Variants in HDGFL3 observed in about 807,000 individuals in gnomAD.
The protein encoded by HDGFL3 is hepatoma-derived growth factor-related protein 3.
A neutral mutation model predicts 27.6 loss-of-function variants in HDGFL3; 6 were observed. The observed-to-expected ratio is 0.22, with a 90% CI of 0.12 to 0.43. HDGFL3 has a LOEUF of 0.43. Ranked by LOEUF, HDGFL3 falls within the 20% of genes least tolerant of loss-of-function variation. The pLI is 1.00. For synonymous variants in HDGFL3, 88 were observed against 88.9 expected (o/e 0.99, Z 0.05); for missense variants, 207 against 250.1 (o/e 0.83, Z 1.16).
chr15:83,127,236 G>T, downstream of HDGFL3: 1 of 883,304 alleles, frequency 1.1e-6, no homozygotes. Flanking sequence ...AAAAAAAAGA[G>T]TCCCATATAG....
rs1165519000 is a variant in HDGFL3, at chr15:83,207,475, C to G, written c.-61G>C. ...CGCGAAGATGCCGGGAGGCCGCCCC[C>G]CCGCGGGCCGACGAATTGCGCCGCG... On this transcript the variant is annotated 5_prime_UTR_variant, in exon 1 of 6. Transcript: ENST00000299633. The surrounding 1 kb of genome is among the most constrained non-coding windows in gnomAD (Gnocchi z 4.8). 7.8e-5 allele frequency: 95 copies of G among 1,211,218 alleles called. No homozygotes were observed. In the Middle Eastern group the frequency reaches 8.3e-4, roughly 11 times the overall value. 75.0% of individuals were successfully genotyped at this position (1,211,218 alleles called of 1,614,324 possible). A position where few individuals can be genotyped will look rare whatever the true frequency, so the allele number is the denominator to read the frequency against.
At chr15:83,126,671 T>A, downstream of HDGFL3, 1 of 1,091,232 alleles carries the variant, frequency 9.2e-7, no homozygotes, top group African/African-American at 1.6e-5. Context: ...AGCTTGTGAC[T>A]AAACCTGGCA....
In HDGFL3 at chr15:83,207,527, A is replaced by G. The variant is rs950907711; in HGVS notation, c.-113T>C. 41 of 810,268 alleles carry G rather than the reference A, an allele frequency of 5.1e-5. No homozygotes were observed. Among genetic ancestry groups the G allele is most frequent in the Non-Finnish European group, 6.6e-5 (40 of 605,406 alleles). 50.2% of individuals were successfully genotyped at this position (810,268 alleles called of 1,614,324 possible). A position where few individuals can be genotyped will look rare whatever the true frequency, so the allele number is the denominator to read the frequency against. On this transcript the variant is annotated 5_prime_UTR_variant, in exon 1 of 6. Transcript: ENST00000299633. The surrounding 1 kb of genome is among the most constrained non-coding windows in gnomAD (Gnocchi z 4.8). ...TCCCCGCGGGCCTCAAGCCGGGCGG[A>G]CGAGCGGCCGCTCCGACGAGGGGAA...
intron 5 of HDGFL3, among the ~76,000 whole-genome samples, chr15:83,148,274 A>G (rs1453007995): frequency 6.6e-6 from 1 of 152,160 alleles, no homozygotes; most frequent in Non-Finnish European, 1.5e-5. Flanking sequence ...ACTCTTGTAC[A>G]CGTATACTAG....
At chr15:83,200,830 C>T (rs1282238642) in intron 1 of HDGFL3, among the ~76,000 whole-genome samples, 1 of 150,416 alleles carries the variant, frequency 6.6e-6, no homozygotes, top group African/African-American at 2.4e-5. Context: ...AAGGCTTGTG[C>T]TCACCAATCA....
intron 1 of HDGFL3, among the ~76,000 whole-genome samples, chr15:83,167,820 T>C (rs1040597385): frequency 6.6e-6 from 1 of 152,082 alleles, no homozygotes; most frequent in East Asian, 1.9e-4. Context: ...AACTCAACAC[T>C]TGGACCTAAT....
At chr15:83,147,813 G>GTT (rs2036916835) in intron 5 of HDGFL3, among the ~76,000 whole-genome samples, 1 of 152,164 alleles carries the variant, frequency 6.6e-6, no homozygotes, top group South Asian at 2.1e-4. Flanking sequence ...AAGTCTGATT[G>GTT]CTAAAAATAT....
downstream of HDGFL3, among the ~76,000 whole-genome samples, chr15:83,125,776 G>T (rs755026265): frequency 6.6e-6 from 1 of 152,214 alleles, no homozygotes; most frequent in Non-Finnish European, 1.5e-5. Flanking sequence ...TCATTTCAGG[G>T]TCTTGGGCTA....
At chr15:83,127,191 C>G (rs1416969899), downstream of HDGFL3, among the ~76,000 whole-genome samples, 2 of 147,768 alleles carry the variant, frequency 1.4e-5, no homozygotes, top group East Asian at 3.9e-4. Context: ...GAGACTCCAC[C>G]TAAAAAAATA....
At chr15:83,119,954 C>A in intron 3 of HDGFL3, 1 of 358,488 alleles carries the variant, frequency 2.8e-6, no homozygotes, top group Non-Finnish European at 5.1e-6. Flanking sequence ...TTATTTTCAG[C>A]AATTAAAGCT....
Position 83,136,675 on chromosome 15 carries a change from A to C in HDGFL3, c.*2595T>G. 6.3e-7 allele frequency: 1 copy of C among 1,589,772 alleles called. No individual in the cohort carries two copies. The highest frequency in any genetic ancestry group is 2.2e-5 in the East Asian group (1 of 44,774). On this transcript the variant is annotated 3_prime_UTR_variant, in exon 6 of 6. Transcript: ENST00000299633. ...AGGCAGAAGAAAAAGTGGAATAAAA[A>C]TATTACTTCATGTTCCTCCTTTCTA... is the stretch of plus-strand genomic sequence containing the variant.
intron 1 of HDGFL3, among the ~76,000 whole-genome samples, chr15:83,200,856 CTTTTTTT>C (rs200038603): frequency 1.7e-5 from 2 of 120,178 alleles, no homozygotes; most frequent in African/African-American, 6.1e-5. Flanking sequence ...TTACTTTATT[CTTTTTTT>C]TTTTTTTTTT....
intron 3 of HDGFL3, among the ~76,000 whole-genome samples, chr15:83,122,410 G>GAT (rs886102227): frequency 4.6e-5 from 7 of 152,038 alleles, no homozygotes; most frequent in African/African-American, 1.7e-4. Flanking sequence ...TAGATAGATA[G>GAT]ATAGATATAG....
Position 83,207,428 on chromosome 15 carries a change from C to T in HDGFL3, c.-14G>A. On this transcript the variant is annotated 5_prime_UTR_variant, in exon 1 of 6. Coordinates refer to ENST00000299633, the MANE Select transcript of HDGFL3 (RefSeq NM_016073.4). This position sits in a 1 kb window ranked among gnomAD's most constrained non-coding sequence, Gnocchi z 4.8. Reference sequence around the variant, plus strand: ...CGGACGCGCCATCCCAGCCGCTCCCCTTCCTGGTAGTCCTTGGTCGCCGCG... The same window carrying T: ...CGGACGCGCCATCCCAGCCGCTCCCTTTCCTGGTAGTCCTTGGTCGCCGCG... 4 of 1,314,896 alleles carry T rather than the reference C, an allele frequency of 3.0e-6. No individual in the cohort carries two copies. The highest frequency in any genetic ancestry group is 3.9e-6 in the Non-Finnish European group (4 of 1,026,030). 81.5% of individuals were successfully genotyped at this position (1,314,896 alleles called of 1,614,324 possible).
At position 83,207,590 on chromosome 15, in the gene HDGFL3, G is replaced by A. The variant is rs2037740661; in HGVS notation, c.-176C>T. 8.5e-6 allele frequency: 3 copies of A among 351,470 alleles called. No homozygotes were observed. Among genetic ancestry groups the A allele is most frequent in the Non-Finnish European group, 1.5e-5 (3 of 202,410 alleles). The allele number at this position is 351,470 out of a possible 1,614,324, so 21.8% of individuals were successfully genotyped here. On this transcript the variant is annotated 5_prime_UTR_variant, in exon 1 of 6. Coordinates refer to ENST00000299633, the MANE Select transcript of HDGFL3 (RefSeq NM_016073.4). The surrounding 1 kb of genome is among the most constrained non-coding windows in gnomAD (Gnocchi z 4.8). ...CGGCTGAGGCAAGGGGTGGGCGGGG[G>A]GCGCAGCAGGCCCGGCAAATCACGG...
intron 1 of HDGFL3, among the ~76,000 whole-genome samples, chr15:83,172,885 A>G (rs2037263603): frequency 6.6e-6 from 1 of 152,054 alleles, no homozygotes; most frequent in African/African-American, 2.4e-5. Context: ...GTGGATCATC[A>G]TAAAGGTATT....
At chr15:83,192,837 A>G (rs545170317) in intron 1 of HDGFL3, among the ~76,000 whole-genome samples, 4 of 152,302 alleles carry the variant, frequency 2.6e-5, no homozygotes, top group Middle Eastern at 6.8e-3. Context: ...ATAATCAAAC[A>G]CAGGCATTTT....
rs542722665 is a variant in HDGFL3, at chr15:83,147,312, G to A, written c.606+3903C>T. On this transcript the variant is annotated intron_variant, in intron 5 of 5. Coordinates refer to ENST00000299633, the MANE Select transcript of HDGFL3 (RefSeq NM_016073.4). ...CTTGATCTCGTGATCCATCTGCCTCGGCCTCCCAAAGTGCTGGGACTACAG... is the reference window on the plus strand; with the variant it reads ...CTTGATCTCGTGATCCATCTGCCTCAGCCTCCCAAAGTGCTGGGACTACAG... Among the ~76,000 whole-genome samples, 5 of 151,880 alleles carry A rather than the reference G, an allele frequency of 3.3e-5. No homozygotes were observed. The South Asian group carries it at 1.0e-3, about 32-fold the overall frequency.
intron 1 of HDGFL3, among the ~76,000 whole-genome samples, chr15:83,203,280 A>AT (rs1316270669): frequency 1.3e-5 from 2 of 152,020 alleles, no homozygotes; most frequent in East Asian, 3.8e-4. Context: ...AGAAAACAGA[A>AT]TTTTGATTTC....
Sources: gnomAD v4.1 joint callset for allele counts (sites outside exome capture counted in the v4.1 genomes callset) on GRCh38, gnomAD v4.1.1 for gene constraint, Gnocchi (gnomAD v3.1) non-coding constraint, MANE v1.5 for transcripts, NCBI Gene and HGNC (gene_info 2026-07-23, HGNC 2026-07-21) for gene names.